The following LPP variants were observed in gnomAD, a reference collection of about 807,000 sequenced individuals.
LPP encodes the protein LIM domain containing preferred translocation partner in lipoma.
Under a neutral mutation model 60.4 loss-of-function variants are expected in LPP, and 38 were observed. That is an observed-to-expected ratio of 0.63 (90% CI 0.49 to 0.83). The LOEUF is 0.83. LPP is among the 40% of genes least tolerant of loss of function. The pLI is 0.00. For missense variants in LPP, 902 were observed against 783.6 expected (o/e 1.15, Z -1.80); for synonymous variants, 328 against 290.8 (o/e 1.13, Z -1.30).
intron 2 of LPP, among the ~76,000 whole-genome samples, chr3:188,232,473 G>C (rs1720374710): frequency 6.6e-6 from 1 of 151,100 alleles, no homozygotes; most frequent in Admixed American, 6.6e-5. Context: ...CAAGTGGCTG[G>C]GATTACAGAT....
chr3:188,381,010 A>C (rs759455330), intron 3 of LPP, among the ~76,000 whole-genome samples: 44 of 152,308 alleles, frequency 2.9e-4, no homozygotes, highest in Non-Finnish European at 5.0e-4. Flanking sequence ...CTATGTCTTC[A>C]TCCTTCTGCA....
chr3:188,664,638 G>C (rs77229703), intron 7 of LPP, among the ~76,000 whole-genome samples: 3,127 of 151,468 alleles, frequency 0.021, 41 homozygotes, highest in Non-Finnish European at 0.032. Flanking sequence ...TGTGTGTGTG[G>C]AGAGAGAGAG....
At chr3:188,558,654 C>T (rs964359158) in intron 6 of LPP, among the ~76,000 whole-genome samples, 4 of 152,022 alleles carry the variant, frequency 2.6e-5, no homozygotes, top group African/African-American at 9.7e-5. Context: ...GGGTAAAAAA[C>T]TCAAACCTTT....
intron 5 of LPP, among the ~76,000 whole-genome samples, chr3:188,523,043 G>A (rs1045143280): frequency 3.9e-5 from 6 of 151,984 alleles, no homozygotes; most frequent in Admixed American, 1.3e-4. Context: ...AAGTATCTGG[G>A]ATTACAGGGG....
At chr3:188,463,199 GT>G (rs1799563118) in intron 4 of LPP, among the ~76,000 whole-genome samples, 1 of 152,054 alleles carries the variant, frequency 6.6e-6, no homozygotes, top group Non-Finnish European at 1.5e-5. Context: ...GTATGTGTAT[GT>G]GTGTTTTAGA....
intron 4 of LPP, among the ~76,000 whole-genome samples, chr3:188,450,931 T>A (rs1175709901): frequency 6.6e-6 from 1 of 152,136 alleles, no homozygotes; most frequent in Non-Finnish European, 1.5e-5. Context: ...GTCGTGAGCA[T>A]TTTGTATATG....
At chr3:188,577,934 C>T (rs1312556400) in intron 6 of LPP, among the ~76,000 whole-genome samples, 1 of 151,444 alleles carries the variant, frequency 6.6e-6, no homozygotes, top group Non-Finnish European at 1.5e-5. Context: ...TGCCGCCTTC[C>T]TTCTTTCCAG....
chr3:188,821,254 T>C (rs1003790738), intron 9 of LPP, among the ~76,000 whole-genome samples: 7 of 150,560 alleles, frequency 4.6e-5, no homozygotes, highest in African/African-American at 1.5e-4. Flanking sequence ...AAAACAGTGG[T>C]TCTCAATTAT....
chr3:188,291,484 A>G (rs996943478), intron 2 of LPP, among the ~76,000 whole-genome samples: 3 of 151,848 alleles, frequency 2.0e-5, no homozygotes, highest in Non-Finnish European at 4.4e-5. Flanking sequence ...CTAAAAATAG[A>G]AAGAAAAAAA....
chr3:188,649,899 A>G (rs1203355953), intron 7 of LPP, among the ~76,000 whole-genome samples: 2 of 152,166 alleles, frequency 1.3e-5, no homozygotes, highest in African/African-American at 4.8e-5. Context: ...ATTCTTCCTG[A>G]GGGAATTCCT....
chr3:188,659,261 G>A (rs1854042476), intron 7 of LPP, among the ~76,000 whole-genome samples: 1 of 152,184 alleles, frequency 6.6e-6, no homozygotes, highest in South Asian at 2.1e-4. Flanking sequence ...ATGTTATACA[G>A]TAGATGGAAC....
intron 2 of LPP, among the ~76,000 whole-genome samples, chr3:188,292,939 A>T (rs1011181075): frequency 6.6e-6 from 1 of 152,196 alleles, no homozygotes; most frequent in Non-Finnish European, 1.5e-5. Flanking sequence ...TAGATTCTAC[A>T]TTCTCATGGA....
At chr3:188,720,634 A>AGAAGCAGGTCCAAGTTAAT (rs1440702084) in intron 8 of LPP, among the ~76,000 whole-genome samples, 1 of 151,894 alleles carries the variant, frequency 6.6e-6, no homozygotes, top group Non-Finnish European at 1.5e-5. Flanking sequence ...GGGAAATCAC[A>AGAAGCAGGTCCAAGTTAAT]GAAGCAGGTC....
Position 188,854,143 on chromosome 3 carries a change from A to G in LPP, c.1411-12057A>G, listed in dbSNP as rs116825645. 2.3e-3 allele frequency among the ~76,000 whole-genome samples: 344 copies of G among 152,332 alleles called. 2 individuals are homozygous for G. The highest frequency in any genetic ancestry group is 8.0e-3 in the African/African-American group (333 of 41,570). ...AGTTAGTCCACCACCCTTTTGCAAC[A>G]GCAAGGAGAAAACATCTGTATTTCC... On this transcript the variant is annotated intron_variant, in intron 9 of 11. Coordinates refer to ENST00000617246, the MANE Select transcript of LPP (RefSeq NM_001375462.1).
intron 6 of LPP, among the ~76,000 whole-genome samples, chr3:188,581,220 G>A (rs1836007769): frequency 6.6e-6 from 1 of 151,962 alleles, no homozygotes; most frequent in Non-Finnish European, 1.5e-5. Context: ...GAGCATAAAG[G>A]TTCAAGCAGA....
In LPP at chr3:188,760,409, G is replaced by GGGT; in HGVS notation, c.1410+128_1410+129insGTG. On this transcript the variant is annotated intron_variant, in intron 9 of 11. Coordinates refer to ENST00000617246, the MANE Select transcript of LPP (RefSeq NM_001375462.1). ...CCTAGACTTCAAAATGTGTGTGTGGGGTGTGTGTGTGTGTGTGTGTGTGTG... is the reference window on the plus strand; with the variant it reads ...CCTAGACTTCAAAATGTGTGTGTGGGGGTGTGTGTGTGTGTGTGTGTGTGTGTG... 5.0e-6 allele frequency: 3 copies of GGGT among 602,816 alleles called. No individual in the cohort carries two copies. In the East Asian group the frequency reaches 8.5e-5, roughly 17 times the overall value. The allele number at this position is 602,816 out of a possible 1,614,324, so 37.3% of individuals were successfully genotyped here.
intron 6 of LPP, among the ~76,000 whole-genome samples, chr3:188,598,584 A>T (rs548546649): frequency 3.4e-4 from 52 of 152,298 alleles, no homozygotes; most frequent in African/African-American, 1.3e-3. Flanking sequence ...TAACCTTGAA[A>T]CATAACTGAT....
At chr3:188,509,767 A>C (rs1173408904) in intron 5 of LPP, among the ~76,000 whole-genome samples, 1 of 144,120 alleles carries the variant, frequency 6.9e-6, no homozygotes, top group Admixed American at 7.1e-5. Flanking sequence ...ATCTCGGCTC[A>C]CTGCAAACTC....
intron 5 of LPP, among the ~76,000 whole-genome samples, chr3:188,492,174 C>G (rs1474739841): frequency 6.6e-6 from 1 of 152,100 alleles, no homozygotes; most frequent in Non-Finnish European, 1.5e-5. Context: ...TGCCTTAGCT[C>G]CTGAGTTTCT....
Sources: gnomAD v4.1 joint callset for allele counts (sites outside exome capture counted in the v4.1 genomes callset) on GRCh38, gnomAD v4.1.1 for gene constraint, MANE v1.5 for transcripts, NCBI Gene and HGNC (gene_info 2026-07-23, HGNC 2026-07-21) for gene names.